The following ACSS3 variants were observed in gnomAD, a reference collection of about 807,000 sequenced individuals.
The protein encoded by ACSS3 is acyl-CoA synthetase short-chain family member 3, mitochondrial.
Under a neutral mutation model 84.2 loss-of-function variants are expected in ACSS3, and 64 were observed. The ratio of observed to expected loss-of-function variants is 0.76; its 90% CI spans 0.62 to 0.94. The LOEUF (loss-of-function observed/expected upper bound fraction) is 0.94. Ranked by LOEUF, ACSS3 falls within the 40% of genes least tolerant of loss-of-function variation. The probability of loss-of-function intolerance (pLI) is 0.00; values close to 1 mark genes in which losing one functional copy is unlikely to be tolerated. For synonymous variants in ACSS3, 317 were observed against 310.1 expected, an observed-to-expected ratio of 1.02 and a Z score of -0.23; for missense variants, 815 against 867.6, an observed-to-expected ratio of 0.94 and a Z score of 0.76.
intron 5 of ACSS3, 125 bp from the exon 6 acceptor site, chr12:81,151,719 C>A: frequency 1.4e-6 from 1 of 722,974 alleles, no homozygotes; most frequent in South Asian, 2.5e-5. Flanking sequence ...TTATAAAAGC[C>A]AAAGTAACTT....
chr12:81,254,567 A>C (rs1305097684), intron 15 of ACSS3, among the ~76,000 whole-genome samples: 2 of 152,184 alleles, frequency 1.3e-5, no homozygotes, highest in Admixed American at 1.3e-4. Flanking sequence ...GTGACAAAAA[A>C]GAAACATTCT....
chr12:81,207,608 G>A (rs2032401603), intron 9 of ACSS3, among the ~76,000 whole-genome samples: 1 of 152,090 alleles, frequency 6.6e-6, no homozygotes, highest in African/African-American at 2.4e-5. Context: ...CTTCATTAAT[G>A]TAAAGGCCAT....
At chr12:81,242,677 A>G (rs111454243) in intron 13 of ACSS3, among the ~76,000 whole-genome samples, 2 of 130,878 alleles carry the variant, frequency 1.5e-5, no homozygotes, top group African/African-American at 5.3e-5. Context: ...AGTGGGCTTC[A>G]TCCCTGGGAT....
intron 5 of ACSS3, among the ~76,000 whole-genome samples, chr12:81,150,385 A>G (rs1001236743): frequency 6.6e-6 from 1 of 152,210 alleles, no homozygotes; most frequent in Non-Finnish European, 1.5e-5. Context: ...TTGCAAATTG[A>G]TTAATATCAG....
intron 11 of ACSS3, among the ~76,000 whole-genome samples, chr12:81,220,280 C>T (rs559072702): frequency 1.3e-5 from 2 of 152,000 alleles, no homozygotes; most frequent in East Asian, 3.9e-4. Context: ...TTTTCAAAAA[C>T]CACAAATTTT....
chr12:81,233,579 G>T, intron 13 of ACSS3, 108 bp downstream of exon 13: 1 of 1,387,798 alleles, frequency 7.2e-7, no homozygotes, highest in Non-Finnish European at 9.8e-7. Context: ...CCCTTCATTT[G>T]CAGCAGAGGC....
chr12:81,080,320 A>G (rs1246058801), intron 1 of ACSS3, among the ~76,000 whole-genome samples: 1 of 151,480 alleles, frequency 6.6e-6, no homozygotes, highest in East Asian at 1.9e-4. Context: ...CCTTTTCAAT[A>G]ATTTGCTTTT....
intron 5 of ACSS3, among the ~76,000 whole-genome samples, chr12:81,149,118 A>G (rs1886490345): frequency 6.6e-6 from 1 of 151,744 alleles, no homozygotes; most frequent in Non-Finnish European, 1.5e-5. Flanking sequence ...GGTAATAATA[A>G]ATAATAGAGA....
intron 2 of ACSS3, among the ~76,000 whole-genome samples, chr12:81,115,374 G>A (rs1044615682): frequency 6.6e-6 from 1 of 152,152 alleles, no homozygotes; most frequent in Non-Finnish European, 1.5e-5. Flanking sequence ...TGAATGCATA[G>A]TGGTATTGCA....
At chr12:81,224,846 A>C (rs1421248180) in intron 11 of ACSS3, among the ~76,000 whole-genome samples, 1 of 151,902 alleles carries the variant, frequency 6.6e-6, no homozygotes, top group East Asian at 1.9e-4. Context: ...TTAGTCACTT[A>C]GTAGCCGTCT....
At chr12:81,240,448 G>A (rs2033759994) in intron 13 of ACSS3, among the ~76,000 whole-genome samples, 1 of 151,402 alleles carries the variant, frequency 6.6e-6, no homozygotes, top group South Asian at 2.1e-4. Context: ...ATTTAAAATG[G>A]GTTTCTTTCA....
At chr12:81,253,975 A>G (rs1385884089) in intron 15 of ACSS3, among the ~76,000 whole-genome samples, 1 of 152,122 alleles carries the variant, frequency 6.6e-6, no homozygotes, top group African/African-American at 2.4e-5. Flanking sequence ...CCCAGGCTGT[A>G]GTGCAGTGGT....
At chr12:81,213,840 T>TCTCTG (rs1372554843) in intron 9 of ACSS3, among the ~76,000 whole-genome samples, 1 of 25,880 alleles carries the variant, frequency 3.9e-5, no homozygotes, top group Non-Finnish European at 1.3e-4. Context: ...TCTCTTCTCT[T>TCTCTG]CTCTCCTCTC....
At chr12:81,105,069 A>C (rs1250947182) in intron 1 of ACSS3, among the ~76,000 whole-genome samples, 2 of 152,158 alleles carry the variant, frequency 1.3e-5, no homozygotes, top group African/African-American at 4.8e-5. Flanking sequence ...CATTACACAA[A>C]GATCCAAAAA....
chr12:81,146,463 T>C (rs1409241931), intron 5 of ACSS3, among the ~76,000 whole-genome samples: 2 of 152,162 alleles, frequency 1.3e-5, no homozygotes, highest in Non-Finnish European at 2.9e-5. Flanking sequence ...GGAAAAATAA[T>C]GTTGTGAGCT....
chr12:81,190,294 G>A (rs964959786), intron 8 of ACSS3, among the ~76,000 whole-genome samples: 7 of 151,956 alleles, frequency 4.6e-5, no homozygotes, highest in Non-Finnish European at 8.8e-5. Flanking sequence ...TGTTTATTTA[G>A]GACTTTAATT....
intron 1 of ACSS3, among the ~76,000 whole-genome samples, chr12:81,098,720 G>A (rs1332459668): frequency 1.8e-4 from 28 of 152,212 alleles, no homozygotes; most frequent in Admixed American, 1.7e-3. Context: ...ACTAGCAAAT[G>A]ACATGGCTAA....
At chr12:81,224,924 A>G (rs1276817943) in intron 11 of ACSS3, among the ~76,000 whole-genome samples, 11 of 151,856 alleles carry the variant, frequency 7.2e-5, no homozygotes, top group Admixed American at 2.0e-4. Flanking sequence ...TTACTTAACA[A>G]TGGCCCTAAA....
chr12:81,124,068 G>A lies in ACSS3; in HGVS notation c.457-10748G>A, dbSNP rs143133610. On this transcript the variant is annotated intron_variant, in intron 2 of 15. Coordinates refer to ENST00000548058, the MANE Select transcript of ACSS3 (RefSeq NM_024560.4). ...AAATTGTTTGAGAAATCTCCAAAGT[G>A]CTTTCCACAGTGGCTGAACTAATTC... is the stretch of plus-strand genomic sequence containing the variant. 3.8e-3 allele frequency among the ~76,000 whole-genome samples: 583 copies of A among 152,266 alleles called. 7 individuals are homozygous for A. Among genetic ancestry groups the A allele is most frequent in the African/African-American group, 0.014 (568 of 41,560 alleles).
Sources: gnomAD v4.1 joint callset for allele counts (sites outside exome capture counted in the v4.1 genomes callset) on GRCh38, gnomAD v4.1.1 for gene constraint, MANE v1.5 for transcripts, NCBI Gene and HGNC (gene_info 2026-07-23, HGNC 2026-07-21) for gene names.